The following COL9A1 variants were observed in gnomAD, a reference collection of about 807,000 sequenced individuals.
COL9A1 encodes collagen type IX alpha 1 chain.
In COL9A1, 104 loss-of-function variants were observed where a neutral mutation model predicts 142.6. The ratio of observed to expected loss-of-function variants is 0.73; its 90% CI spans 0.62 to 0.86. The LOEUF is 0.86. COL9A1 is among the 40% of genes least tolerant of loss of function. The pLI is 0.00. For missense variants in COL9A1, 1,210 were observed against 1,176.6 expected, an observed-to-expected ratio of 1.03 and a Z score of -0.42; for synonymous variants, 466 against 396.0, an observed-to-expected ratio of 1.18 and a Z score of -2.10.
intron 4 of COL9A1, among the ~76,000 whole-genome samples, chr6:70,296,707 C>G (rs1465866563): frequency 1.3e-5 from 2 of 152,030 alleles, no homozygotes; most frequent in Non-Finnish European, 2.9e-5. Context: ...AAATTTGGAG[C>G]TGGGAGATAC....
At chr6:70,276,372 T>C (rs1772762570) in intron 10 of COL9A1, among the ~76,000 whole-genome samples, 1 of 152,100 alleles carries the variant, frequency 6.6e-6, no homozygotes, top group South Asian at 2.1e-4. Flanking sequence ...CCAAGACCAA[T>C]TCTGTTCAAT....
At chr6:70,287,451 G>A (rs2127601728) in intron 5 of COL9A1, among the ~76,000 whole-genome samples, 2 of 152,280 alleles carry the variant, frequency 1.3e-5, no homozygotes, top group Middle Eastern at 6.8e-3. Context: ...GAGGCAGAAG[G>A]AGGCTACCGC....
At chr6:70,281,121 C>G in intron 8 of COL9A1, 82 bp from the exon 9 acceptor site, 2 of 1,203,734 alleles carry the variant, frequency 1.7e-6, no homozygotes, top group South Asian at 2.8e-5. Flanking sequence ...CAGGAGAGCT[C>G]ACTTCACAGA....
Position 70,254,474 on chromosome 6 carries a change from A to C in COL9A1, c.1719+2T>G. The C allele has an allele frequency of 6.2e-7, 1 of 1,614,024 alleles. No homozygotes were observed. The highest frequency in any genetic ancestry group is 2.2e-5 in the East Asian group (1 of 44,882). On this transcript the variant is annotated splice_donor_variant, in intron 25 of 37. Transcript: ENST00000357250. LOFTEE classifies it high-confidence loss of function. Reference sequence around the variant, plus strand: ...TTAACATGTAAAGAATCAAATACTTACTGGTAACCCCTGCAATCCTGCATC... The same window carrying C: ...TTAACATGTAAAGAATCAAATACTTCCTGGTAACCCCTGCAATCCTGCATC...
chr6:70,278,397 T>G (rs1367674418), intron 10 of COL9A1, among the ~76,000 whole-genome samples: 1 of 152,214 alleles, frequency 6.6e-6, no homozygotes, highest in Non-Finnish European at 1.5e-5. Flanking sequence ...TAATTATTGT[T>G]TCCTTATTTA....
At chr6:70,295,507 C>T (rs1312253859) in intron 4 of COL9A1, among the ~76,000 whole-genome samples, 2 of 151,860 alleles carry the variant, frequency 1.3e-5, no homozygotes, top group African/African-American at 2.4e-5. Flanking sequence ...AGGCTGGTCT[C>T]GAACTCCTGA....
chr6:70,283,625 C>A (rs932336317), intron 6 of COL9A1, 112 bp downstream of exon 6: 4 of 797,750 alleles, frequency 5.0e-6, no homozygotes, highest in East Asian at 2.6e-5. Flanking sequence ...GCTCTCTTAG[C>A]GAAAGAGAGT....
chr6:70,281,239 C>A, intron 8 of COL9A1, 151 bp downstream of exon 8: 2 of 832,746 alleles, frequency 2.4e-6, no homozygotes, highest in Admixed American at 2.8e-5. Context: ...CCCCAACTCT[C>A]GCCCATGTCT....
intron 6 of COL9A1, 70 bp from the exon 7 acceptor site, chr6:70,282,988 G>A: frequency 2.5e-6 from 4 of 1,613,868 alleles, no homozygotes; most frequent in Non-Finnish European, 3.4e-6. Flanking sequence ...TACTTGAGCC[G>A]CGCACAAGCA....
intron 5 of COL9A1, among the ~76,000 whole-genome samples, chr6:70,291,511 T>A (rs1372321832): frequency 6.6e-6 from 1 of 152,140 alleles, no homozygotes; most frequent in Non-Finnish European, 1.5e-5. Flanking sequence ...GTGATGATTG[T>A]TTACTTGTCT....
chr6:70,230,144 G>A (rs1440034977), intron 36 of COL9A1, among the ~76,000 whole-genome samples: 2 of 152,092 alleles, frequency 1.3e-5, no homozygotes, highest in African/African-American at 4.8e-5. Context: ...GTTTCAAATT[G>A]GTGGAATGTT....
In COL9A1 at chr6:70,232,721, T is replaced by TG. The variant is rs2127557714; in HGVS notation, c.2364dup (p.Thr789HisfsTer34). 1.9e-6 allele frequency: 3 copies of TG among 1,613,938 alleles called. No individual in the cohort carries two copies. The highest frequency in any genetic ancestry group is 2.5e-6 in the Non-Finnish European group (3 of 1,180,006). Reference sequence around the variant, plus strand: ...GGGCCAGGCCTTCCAGGAAGCCCAGTGGCACCTGAGTCTGGACGCTTAAGA... The same window carrying TG: ...GGGCCAGGCCTTCCAGGAAGCCCAGTGGGCACCTGAGTCTGGACGCTTAAGA... On this transcript the variant is annotated frameshift_variant, in exon 36 of 38. Transcript: ENST00000357250. LOFTEE classifies it high-confidence loss of function.
At chr6:70,281,064 G>A in intron 8 of COL9A1, 25 bp from the exon 9 acceptor site, 2 of 1,600,550 alleles carry the variant, frequency 1.2e-6, no homozygotes, top group Non-Finnish European at 1.7e-6. Flanking sequence ...GAAAAAGAGA[G>A]AGCAGTCTAT....
At chr6:70,274,186 T>C (rs1583310393) in intron 11 of COL9A1, 104 bp from the exon 12 acceptor site, 2 of 421,770 alleles carry the variant, frequency 4.7e-6, no homozygotes, top group Non-Finnish European at 7.1e-6. Flanking sequence ...CATTATGGTG[T>C]TTTTTTTTTT....
rs1773085099 is a variant in COL9A1, at chr6:70,280,610, G to GAGGT, written c.975+198_975+201dup. On this transcript the variant is annotated intron_variant, in intron 10 of 37. Coordinates refer to ENST00000357250, the MANE Select transcript of COL9A1 (RefSeq NM_001851.6). ...AGGAAATGCCAACGCCTCCTAGAGA[G>GAGGT]AGGTATCCTCACCTTCACAAGTCCT... The GAGGT allele has an allele frequency of 3.9e-6, 5 of 1,297,730 alleles. No individual in the cohort carries two copies. The South Asian group carries it at 6.1e-5, about 16-fold the overall frequency. The allele number at this position is 1,297,730 out of a possible 1,614,324, so 80.4% of individuals were successfully genotyped here.
At chr6:70,280,481 A>C (rs1317345871) in intron 10 of COL9A1, 2 of 1,300,254 alleles carry the variant, frequency 1.5e-6, no homozygotes, top group African/African-American at 3.0e-5. Flanking sequence ...ATCTATTGCC[A>C]TCCGTACCCC....
In COL9A1 at chr6:70,216,468, T is replaced by C. The variant is rs1045382813; in HGVS notation, c.*429A>G. 2.3e-5 allele frequency: 5 copies of C among 218,164 alleles called. No homozygotes were observed. The highest frequency in any genetic ancestry group is 3.7e-5 in the Non-Finnish European group (4 of 107,082). 13.5% of individuals were successfully genotyped at this position (218,164 alleles called of 1,614,324 possible). A position where few individuals can be genotyped will look rare whatever the true frequency, so the allele number is the denominator to read the frequency against. On this transcript the variant is annotated 3_prime_UTR_variant, in exon 38 of 38. Transcript: ENST00000357250. Reference sequence around the variant, plus strand: ...TCATAACTAGTCTAGTAATCCTCTATATAACTGAAACAATAATCTGAGAAC... The same window carrying C: ...TCATAACTAGTCTAGTAATCCTCTACATAACTGAAACAATAATCTGAGAAC...
intron 17 of COL9A1, among the ~76,000 whole-genome samples, chr6:70,268,293 C>T (rs1486672360): frequency 6.6e-6 from 1 of 151,978 alleles, no homozygotes; most frequent in African/African-American, 2.4e-5. Context: ...TAGCTCATTG[C>T]AACCTTGACT....
chr6:70,240,993 T>A (rs537357966), intron 31 of COL9A1, among the ~76,000 whole-genome samples: 1 of 152,310 alleles, frequency 6.6e-6, no homozygotes, highest in Non-Finnish European at 1.5e-5. Context: ...ATTTTATAAT[T>A]GGCCCTTGAA....
Sources: gnomAD v4.1 joint callset for allele counts (sites outside exome capture counted in the v4.1 genomes callset) on GRCh38, gnomAD v4.1.1 for gene constraint, MANE v1.5 for transcripts, NCBI Gene and HGNC (gene_info 2026-07-23, HGNC 2026-07-21) for gene names.